Variants in PITPNC1 observed in about 807,000 individuals in gnomAD.
PITPNC1 encodes the protein phosphatidylinositol transfer protein cytoplasmic 1.
In PITPNC1, 18 loss-of-function variants were observed where a neutral mutation model predicts 44.7. That is an observed-to-expected ratio of 0.40 (90% confidence interval 0.28 to 0.60). The LOEUF (loss-of-function observed/expected upper bound fraction) is 0.60, where lower values mean the gene tolerates loss of function less well. PITPNC1 is among the 20% of genes least tolerant of loss of function. The pLI, the probability that PITPNC1 is intolerant of heterozygous loss-of-function variation, is 0.39. For synonymous variants in PITPNC1, 141 were observed against 149.6 expected (o/e 0.94, Z 0.42); for missense variants, 290 against 418.4 (o/e 0.69, Z 2.68).
At chr17:67,380,160 C>T (rs1033187558) in intron 1 of PITPNC1, among the ~76,000 whole-genome samples, 12 of 151,886 alleles carry the variant, frequency 7.9e-5, no homozygotes, top group Admixed American at 2.0e-4. Context: ...CTGCAACCTC[C>T]GCCACCTGGA....
intron 1 of PITPNC1, among the ~76,000 whole-genome samples, chr17:67,523,179 G>A (rs1433956161): frequency 6.6e-6 from 1 of 152,132 alleles, no homozygotes; most frequent in South Asian, 2.1e-4. Context: ...TAGCTGCCTC[G>A]TCTAAGTGGA....
intron 8 of PITPNC1, among the ~76,000 whole-genome samples, chr17:67,689,706 G>T (rs1190708708): frequency 1.3e-5 from 2 of 152,186 alleles, no homozygotes; most frequent in African/African-American, 2.4e-5. Flanking sequence ...GAGCCTCTGG[G>T]AGTGGAAAAT....
At chr17:67,516,763 C>T (rs750197389) in intron 1 of PITPNC1, among the ~76,000 whole-genome samples, 2 of 152,152 alleles carry the variant, frequency 1.3e-5, no homozygotes, top group Non-Finnish European at 2.9e-5. Context: ...AGATTACAGG[C>T]GCCCGCCACC....
chr17:67,676,755 A>G lies in PITPNC1; in HGVS notation c.682+1213A>G, dbSNP rs1331598667. On this transcript the variant is annotated intron_variant, in intron 8 of 8. Coordinates refer to ENST00000581322, the MANE Select transcript of PITPNC1 (RefSeq NM_012417.4). This position sits in a 1 kb window ranked among gnomAD's most constrained non-coding sequence, Gnocchi z 4.0. ...GGAAGGGGCAAAGACAGTCATTATT[A>G]TTAATATTGTTAGCTATTTCTGAGC... Among the ~76,000 whole-genome samples the G allele has an allele frequency of 6.6e-6, 1 of 152,142 alleles. No individual in the cohort carries two copies. Among genetic ancestry groups the G allele is most frequent in the Non-Finnish European group, 1.5e-5 (1 of 68,024 alleles).
chr17:67,671,817 G>A (rs1305018772), intron 7 of PITPNC1, among the ~76,000 whole-genome samples: 2 of 152,172 alleles, frequency 1.3e-5, no homozygotes, highest in Admixed American at 6.6e-5. Context: ...TCCAGCCTCA[G>A]CTTTGTGTCT....
intron 1 of PITPNC1, among the ~76,000 whole-genome samples, chr17:67,464,397 A>G (rs557424695): frequency 6.6e-6 from 1 of 152,312 alleles, no homozygotes; most frequent in Non-Finnish European, 1.5e-5. Flanking sequence ...CCTGCTGTTC[A>G]TGATGGACTT....
At chr17:67,515,410 A>G (rs1412406738) in intron 1 of PITPNC1, among the ~76,000 whole-genome samples, 1 of 152,214 alleles carries the variant, frequency 6.6e-6, no homozygotes, top group African/African-American at 2.4e-5. Flanking sequence ...TCCTGAATGT[A>G]TATCATTAGG....
intron 5 of PITPNC1, among the ~76,000 whole-genome samples, chr17:67,596,493 G>C (rs1173159562): frequency 1.3e-5 from 2 of 152,106 alleles, no homozygotes; most frequent in Admixed American, 1.3e-4. Context: ...TGTTGTTGTT[G>C]TTGTTTTGTA....
chr17:67,416,022 G>C (rs900020215), intron 1 of PITPNC1, among the ~76,000 whole-genome samples: 5 of 152,026 alleles, frequency 3.3e-5, no homozygotes, highest in Non-Finnish European at 5.9e-5. Flanking sequence ...AAAAATTGAA[G>C]GCATGGCACT....
intron 7 of PITPNC1, among the ~76,000 whole-genome samples, 191 bp from the exon 8 acceptor site, chr17:67,675,288 A>G (rs755590203): frequency 6.6e-6 from 1 of 152,176 alleles, no homozygotes; most frequent in Non-Finnish European, 1.5e-5. Flanking sequence ...AAGTGTGTGT[A>G]CACCATGGGG....
intron 6 of PITPNC1, among the ~76,000 whole-genome samples, chr17:67,649,815 G>A (rs1166450612): frequency 1.3e-5 from 2 of 152,126 alleles, no homozygotes; most frequent in Non-Finnish European, 2.9e-5. Flanking sequence ...ACAGAACTCA[G>A]GAAAACATTT....
At chr17:67,380,668 C>G (rs981369941) in intron 1 of PITPNC1, among the ~76,000 whole-genome samples, 5 of 152,222 alleles carry the variant, frequency 3.3e-5, no homozygotes, top group Admixed American at 2.0e-4. Context: ...GTAAATTCCA[C>G]AGTCTCCACC....
chr17:67,613,111 C>CCCAGCT (rs1338674818), intron 5 of PITPNC1: 1 of 152,256 alleles, frequency 6.6e-6, no homozygotes, highest in Non-Finnish European at 1.5e-5. Context: ...GCAGGAGAAT[C>CCCAGCT]ACTTGAACCC....
chr17:67,488,713 T>C (rs1283486711), intron 1 of PITPNC1, among the ~76,000 whole-genome samples: 1 of 152,220 alleles, frequency 6.6e-6, no homozygotes, highest in African/African-American at 2.4e-5. Context: ...ACTCTGTGCC[T>C]GTTCAGTGGT....
intron 1 of PITPNC1, among the ~76,000 whole-genome samples, chr17:67,412,168 C>T (rs1400874215): frequency 2.0e-5 from 3 of 152,180 alleles, no homozygotes; most frequent in Non-Finnish European, 2.9e-5. Context: ...GCCTGGCCCT[C>T]GGTAGGGACT....
chr17:67,538,295 C>G (rs536943947), intron 2 of PITPNC1, among the ~76,000 whole-genome samples: 22 of 152,264 alleles, frequency 1.4e-4, no homozygotes, highest in Middle Eastern at 3.4e-3. Flanking sequence ...CTCCTTCACA[C>G]TACACACACA....
intron 1 of PITPNC1, among the ~76,000 whole-genome samples, chr17:67,417,731 T>C (rs2038608940): frequency 6.6e-6 from 1 of 152,020 alleles, no homozygotes; most frequent in Admixed American, 6.6e-5. Context: ...CCCTCAGACA[T>C]GGGAGCTCTG....
intron 1 of PITPNC1, among the ~76,000 whole-genome samples, chr17:67,512,510 A>AC (rs2040201261): frequency 3.4e-5 from 5 of 148,856 alleles, no homozygotes; most frequent in African/African-American, 1.3e-4. Context: ...CAAAAAAAAA[A>AC]AAAAAAAAAA....
intron 6 of PITPNC1, among the ~76,000 whole-genome samples, chr17:67,666,875 C>T (rs2042430946): frequency 1.3e-5 from 2 of 152,210 alleles, no homozygotes; most frequent in Non-Finnish European, 2.9e-5. Flanking sequence ...GCCAGATGGC[C>T]TTGGCGGAGC....
Sources: gnomAD v4.1 joint callset for allele counts (sites outside exome capture counted in the v4.1 genomes callset) on GRCh38, gnomAD v4.1.1 for gene constraint, Gnocchi (gnomAD v3.1) non-coding constraint, MANE v1.5 for transcripts, NCBI Gene and HGNC (gene_info 2026-07-23, HGNC 2026-07-21) for gene names.